Variants in IRF2 observed in about 807,000 individuals in gnomAD.
IRF2 encodes the protein interferon regulatory factor 2.
IRF2 carries 15 observed loss-of-function variants against 40.6 expected under a neutral mutation model. The ratio of observed to expected loss-of-function variants is 0.37; its 90% CI spans 0.25 to 0.57. The LOEUF (loss-of-function observed/expected upper bound fraction) is 0.57. Ranked by LOEUF, IRF2 falls within the 20% of genes least tolerant of loss-of-function variation. IRF2 has a pLI of 0.77. For synonymous variants in IRF2, 151 were observed against 165.5 expected (o/e 0.91, Z 0.67); for missense variants, 317 against 455.7 (o/e 0.70, Z 2.77).
At chr4:184,402,279 G>C (rs1579805325) in intron 6 of IRF2, among the ~76,000 whole-genome samples, 1 of 152,184 alleles carries the variant, frequency 6.6e-6, no homozygotes, top group African/African-American at 2.4e-5. Flanking sequence ...ATGAGGTAGT[G>C]GCACAGGAGT....
At chr4:184,447,010 T>C (rs762714292) in intron 1 of IRF2, among the ~76,000 whole-genome samples, 6 of 152,060 alleles carry the variant, frequency 3.9e-5, no homozygotes, top group African/African-American at 7.3e-5. Flanking sequence ...CTAATACACA[T>C]ATTCTCTAAC....
chr4:184,426,688 A>G (rs969998683), intron 2 of IRF2, among the ~76,000 whole-genome samples: 1 of 152,154 alleles, frequency 6.6e-6, no homozygotes, highest in African/African-American at 2.4e-5. Flanking sequence ...CGGTCAACAT[A>G]TCAGGCACCT....
chr4:184,400,074 C>T (rs1488862819), intron 6 of IRF2, among the ~76,000 whole-genome samples: 1 of 152,162 alleles, frequency 6.6e-6, no homozygotes, highest in Non-Finnish European at 1.5e-5. Context: ...TGAGTGTGTA[C>T]CTGCACCAGG....
Position 184,458,152 on chromosome 4 carries a change from CG to C in IRF2, c.-7+16226del, listed in dbSNP as rs553810998. On this transcript the variant is annotated intron_variant, in intron 1 of 8. Transcript: ENST00000393593. ...CCAGTCAGAAGTCAGTGGTGAGGCA[CG>C]CCCCAGTTTCTCTGGTCAAAGACGT... is the stretch of plus-strand genomic sequence containing the variant. Among the ~76,000 whole-genome samples the C allele has an allele frequency of 2.2e-4, 33 of 152,322 alleles. No individual in the cohort carries two copies. In the East Asian group the frequency reaches 6.2e-3, roughly 28 times the overall value.
intron 1 of IRF2, among the ~76,000 whole-genome samples, chr4:184,436,020 G>A (rs1738064058): frequency 7.1e-6 from 1 of 140,976 alleles, no homozygotes; most frequent in Non-Finnish European, 1.5e-5. Flanking sequence ...CTCTGTCGTT[G>A]GGCTGGAGTG....
At chr4:184,458,676 C>G (rs1739029314) in intron 1 of IRF2, among the ~76,000 whole-genome samples, 1 of 152,222 alleles carries the variant, frequency 6.6e-6, no homozygotes, top group Non-Finnish European at 1.5e-5. Flanking sequence ...TATGCATCTT[C>G]TTCCAATTAT....
intron 2 of IRF2, chr4:184,428,640 A>T: frequency 2.2e-6 from 1 of 449,270 alleles, no homozygotes; most frequent in Non-Finnish European, 4.4e-6. Context: ...TCTACAAAAA[A>T]ATACAAAAAT....
chr4:184,393,721 G>A (rs780577755), intron 7 of IRF2, among the ~76,000 whole-genome samples: 39 of 146,306 alleles, frequency 2.7e-4, no homozygotes, highest in South Asian at 1.3e-3. Flanking sequence ...ATCTGAAGTC[G>A]TCAGGAAGAT....
intron 1 of IRF2, among the ~76,000 whole-genome samples, chr4:184,473,409 G>A (rs1739594648): frequency 6.8e-6 from 1 of 146,818 alleles, no homozygotes; most frequent in African/African-American, 2.5e-5. Context: ...ACCCGGGGGC[G>A]CACGGCGCTA....
At chr4:184,390,805 A>G in intron 7 of IRF2, 56 bp from the exon 8 acceptor site, 1 of 1,588,068 alleles carries the variant, frequency 6.3e-7, no homozygotes. Context: ...AGCTGTCCCC[A>G]GGCTCAGGCA....
intron 6 of IRF2, chr4:184,407,200 G>A (rs769066509): frequency 2.2e-5 from 29 of 1,289,296 alleles, no homozygotes; most frequent in Non-Finnish European, 5.1e-6. Context: ...GCCAGCGGAG[G>A]CCTGTCAGGA....
At chr4:184,454,917 A>G (rs927591667) in intron 1 of IRF2, among the ~76,000 whole-genome samples, 2 of 152,158 alleles carry the variant, frequency 1.3e-5, no homozygotes, top group African/African-American at 2.4e-5. Context: ...GACTTCCCCA[A>G]AGAAATTCCA....
At position 184,424,553 on chromosome 4, in the gene IRF2, C is replaced by T. The variant is rs1213729645; in HGVS notation, c.87+4425G>A. On this transcript the variant is annotated intron_variant, in intron 2 of 8. Coordinates refer to ENST00000393593, the MANE Select transcript of IRF2 (RefSeq NM_002199.4). ...AGAGGAAGAGAGACCTGTGCTAGCA[C>T]GTGAGCATGCTCTTTCCCCGCACCG... Among the ~76,000 whole-genome samples, 5 of 152,250 alleles carry T rather than the reference C, an allele frequency of 3.3e-5. No homozygotes were observed. The South Asian group carries it at 8.3e-4, about 25-fold the overall frequency.
chr4:184,460,620 AACACACACACACGCATGCACGCAC>A lies in IRF2; in HGVS notation c.-7+13735_-7+13758del, dbSNP rs562791935. Among the ~76,000 whole-genome samples the A allele has an allele frequency of 1.8e-3, 266 of 151,060 alleles. 1 individual carries two copies. In the South Asian group the frequency reaches 0.02, roughly 11 times the overall value. On this transcript the variant is annotated intron_variant, in intron 1 of 8. Transcript: ENST00000393593. ...CAACTTAAAGTATTCACTATAGCCA[AACACACACACACGCATGCACGCAC>A]ACACACACACACATGCACGCGCACA...
At chr4:184,446,699 G>C (rs542176436) in intron 1 of IRF2, among the ~76,000 whole-genome samples, 1 of 152,228 alleles carries the variant, frequency 6.6e-6, no homozygotes, top group African/African-American at 2.4e-5. Flanking sequence ...AATAAATACA[G>C]AGGTAAAAAA....
chr4:184,445,065 C>G (rs757117975), intron 1 of IRF2, among the ~76,000 whole-genome samples: 7 of 152,248 alleles, frequency 4.6e-5, no homozygotes, highest in Non-Finnish European at 8.8e-5. Context: ...ACACGCTGCT[C>G]TCTTCCCCCA....
rs763352626 is a variant in IRF2 at position 184,429,015 on chromosome 4, T to C, written c.50A>G (p.Asn17Ser). The C allele has an allele frequency of 1.2e-6, 2 of 1,613,990 alleles. No individual in the cohort carries two copies. Among genetic ancestry groups the C allele is most frequent in the South Asian group, 1.1e-5 (1 of 91,078 alleles). Residue 17 changes from asparagine (N) to serine (S), a missense_variant, in exon 2 of 9, where the codon AAC becomes AGC. Transcript: ENST00000393593. Reference sequence around the variant, plus strand: ...CTTGAGCCCCGGGATCGTGTTGGAGTTTATCTGCTCCTCCAGCCACGGGCG... The same window carrying C: ...CTTGAGCCCCGGGATCGTGTTGGAGCTTATCTGCTCCTCCAGCCACGGGCG... ...RMRPWLEEQI[N>S]SNTIPGLKWL...
At position 184,474,483 on chromosome 4, in the gene IRF2, G is replaced by A. The variant is rs1739650372; in HGVS notation, c.-111C>T. ...AAGCCCGTCAGTTGAATAATCGCAGGAGCAAAACTAAAAGTTACTCCCCGG... is the reference window on the plus strand; with the variant it reads ...AAGCCCGTCAGTTGAATAATCGCAGAAGCAAAACTAAAAGTTACTCCCCGG... On this transcript the variant is annotated 5_prime_UTR_variant, in exon 1 of 9. Transcript: ENST00000393593. The surrounding 1 kb of genome is among the most constrained non-coding windows in gnomAD (Gnocchi z 5.6). 1 of 152,288 alleles carries A rather than the reference G, an allele frequency of 6.6e-6. No homozygotes were observed. Among genetic ancestry groups the A allele is most frequent in the Non-Finnish European group, 1.5e-5 (1 of 68,110 alleles). 9.4% of individuals were successfully genotyped at this position (152,288 alleles called of 1,614,324 possible). A position where few individuals can be genotyped will look rare whatever the true frequency, so the allele number is the denominator to read the frequency against.
At position 184,419,451 on chromosome 4, in the gene IRF2, C is replaced by G. The variant is rs112740658; in HGVS notation, c.187+18G>C. On this transcript the variant is annotated intron_variant, in intron 3 of 8. Transcript: ENST00000393593. ...CAAGAGTGCCTTCCTCTATAAACGC[C>G]GCAGGGAGTTTTAGTACCTGTATGG... is the stretch of plus-strand genomic sequence containing the variant. The G allele has an allele frequency of 6.6e-7, 1 of 1,514,704 alleles. No individual in the cohort carries two copies. The highest frequency in any genetic ancestry group is 1.1e-5 in the South Asian group (1 of 88,146). The allele number at this position is 1,514,704 out of a possible 1,614,324, so 93.8% of individuals were successfully genotyped here.
Sources: gnomAD v4.1 joint callset for allele counts (sites outside exome capture counted in the v4.1 genomes callset) on GRCh38, gnomAD v4.1.1 for gene constraint, Gnocchi (gnomAD v3.1) non-coding constraint, MANE v1.5 for transcripts, NCBI Gene and HGNC (gene_info 2026-07-23, HGNC 2026-07-21) for gene names.